The following EGLN3 variants were observed in gnomAD, a reference collection of about 807,000 sequenced individuals.
EGLN3 encodes the protein egl-9 family hypoxia inducible factor 3.
EGLN3 carries 15 observed loss-of-function variants against 26.0 expected under a neutral mutation model. The ratio of observed to expected loss-of-function variants is 0.58; its 90% CI spans 0.39 to 0.89. The LOEUF is 0.89. EGLN3 is among the 40% of genes least tolerant of loss of function. The probability of loss-of-function intolerance (pLI) is 0.00; values close to 1 mark genes in which losing one functional copy is unlikely to be tolerated. For synonymous variants in EGLN3, 147 were observed against 127.2 expected, an observed-to-expected ratio of 1.16 and a Z score of -1.05; for missense variants, 238 against 311.6, an observed-to-expected ratio of 0.76 and a Z score of 1.78.
At chr14:33,926,773 C>G (rs1213164548) in intron 4 of EGLN3, among the ~76,000 whole-genome samples, 187 bp downstream of exon 4, 1 of 152,136 alleles carries the variant, frequency 6.6e-6, no homozygotes, top group Admixed American at 6.5e-5. Context: ...GGGGAAGCCC[C>G]TTGCATTGTT....
chr14:33,924,941 TAAAAAAAA>T lies in EGLN3; in HGVS notation c.*942_*949del, dbSNP rs35754061. 9.7e-6 allele frequency: 1 copy of T among 103,364 alleles called. No homozygotes were observed. The highest frequency in any genetic ancestry group is 1.8e-5 in the Non-Finnish European group (1 of 56,388). 6.4% of individuals were successfully genotyped at this position (103,364 alleles called of 1,614,324 possible). ...GGGTGAGCTCATTAAAAAGGAAAACTAAAAAAAAAAAAAAAAAAAAAACAGGAACACCC... is the reference window on the plus strand; with the variant it reads ...GGGTGAGCTCATTAAAAAGGAAAACTAAAAAAAAAAAAAACAGGAACACCC... On this transcript the variant is annotated 3_prime_UTR_variant, in exon 5 of 5. Coordinates refer to ENST00000250457, the MANE Select transcript of EGLN3 (RefSeq NM_022073.4).
In EGLN3 at chr14:33,935,614, CACACACAT is replaced by C. The variant is rs758359138; in HGVS notation, c.358-4407_358-4400del. On this transcript the variant is annotated intron_variant, in intron 1 of 4. Coordinates refer to ENST00000250457, the MANE Select transcript of EGLN3 (RefSeq NM_022073.4). Reference sequence around the variant, plus strand: ...ACACACACACACACACACACACACACACACACATATATATATATACACACACATATATC... The same window carrying C: ...ACACACACACACACACACACACACACATATATATATACACACACATATATC... 4.0e-3 allele frequency among the ~76,000 whole-genome samples: 561 copies of C among 139,082 alleles called. 1 individual carries two copies. The highest frequency in any genetic ancestry group is 5.1e-3 in the Non-Finnish European group (320 of 62,568). 91.2% of individuals were successfully genotyped at this position (139,082 alleles called of 152,430 possible).
chr14:33,950,174 G>T (rs2064546841), intron 1 of EGLN3: 2 of 600,474 alleles, frequency 3.3e-6, no homozygotes, highest in South Asian at 2.0e-5. Context: ...AAAGTCAACA[G>T]AAGGTCATCA....
At chr14:33,949,414 GCTT>G (rs1327101134) in intron 1 of EGLN3, 1 of 152,208 alleles carries the variant, frequency 6.6e-6, no homozygotes, top group Non-Finnish European at 1.5e-5. Flanking sequence ...GGTATACTCT[GCTT>G]CGCTGTTTCA....
chr14:33,926,401 G>T (rs1342964069), intron 4 of EGLN3, among the ~76,000 whole-genome samples: 1 of 152,178 alleles, frequency 6.6e-6, no homozygotes, highest in Admixed American at 6.5e-5. Flanking sequence ...TTTTAAGACA[G>T]GCATACAGCA....
In EGLN3 at chr14:33,925,744, A is replaced by G. The variant is rs1478945645; in HGVS notation, c.*147T>C. 1 of 852,900 alleles carries G rather than the reference A, an allele frequency of 1.2e-6. No homozygotes were observed. Among genetic ancestry groups the G allele is most frequent in the Non-Finnish European group, 1.9e-6 (1 of 533,640 alleles). The allele number at this position is 852,900 out of a possible 1,614,324, so 52.8% of individuals were successfully genotyped here. On this transcript the variant is annotated 3_prime_UTR_variant, in exon 5 of 5. Coordinates refer to ENST00000250457, the MANE Select transcript of EGLN3 (RefSeq NM_022073.4). ...CAGTCTTGGCAAGAAAACATGAAGT[A>G]CCACACACAAGACAGGGATGTGAAG... is the stretch of plus-strand genomic sequence containing the variant.
intron 1 of EGLN3, chr14:33,949,989 C>T: frequency 2.5e-6 from 1 of 394,628 alleles, no homozygotes; most frequent in Non-Finnish European, 4.5e-6. Context: ...CAATGAAGGG[C>T]AGTATTAGGT....
intron 1 of EGLN3, among the ~76,000 whole-genome samples, chr14:33,941,538 G>T (rs558148347): frequency 6.8e-6 from 1 of 146,382 alleles, no homozygotes. Context: ...ATCTTCCCCC[G>T]TCATTCCCCT....
chr14:33,933,359 C>T (rs1186362004), intron 1 of EGLN3, among the ~76,000 whole-genome samples: 1 of 151,184 alleles, frequency 6.6e-6, no homozygotes, highest in Non-Finnish European at 1.5e-5. Context: ...AGTAAATCCT[C>T]TACCAAATGC....
At chr14:33,947,208 C>T (rs561077015) in intron 1 of EGLN3, among the ~76,000 whole-genome samples, 1 of 152,264 alleles carries the variant, frequency 6.6e-6, no homozygotes, top group South Asian at 2.1e-4. Context: ...CAATATTTAT[C>T]TTGGATATGG....
chr14:33,947,832 A>T (rs530035509), intron 1 of EGLN3, among the ~76,000 whole-genome samples: 3 of 152,268 alleles, frequency 2.0e-5, no homozygotes, highest in East Asian at 3.9e-4. Context: ...CGGGTGGATC[A>T]TGAGGTCAAG....
intron 1 of EGLN3, among the ~76,000 whole-genome samples, chr14:33,937,761 CCT>C (rs1379669212): frequency 1.2e-4 from 18 of 152,180 alleles, no homozygotes; most frequent in Non-Finnish European, 5.9e-5. Flanking sequence ...CTACACATGA[CCT>C]CTCTCCCAAG....
intron 1 of EGLN3, 192 bp from the exon 2 acceptor site, chr14:33,931,407 G>A (rs2064402866): frequency 5.8e-6 from 4 of 690,602 alleles, no homozygotes; most frequent in Middle Eastern, 7.3e-4. Context: ...GTCATACTAT[G>A]GCTCTGCCCA....
At position 33,935,236 on chromosome 14, in the gene EGLN3, G is replaced by T. The variant is rs142263399; in HGVS notation, c.358-4021C>A. Among the ~76,000 whole-genome samples the T allele has an allele frequency of 4.6e-5, 7 of 152,266 alleles. No individual in the cohort carries two copies. In the East Asian group the frequency reaches 1.4e-3, roughly 29 times the overall value. ...GGCACACACTAAGTGCTTAATAAAT[G>T]TTAGCTATTTTTAAAGATGATGTGT... On this transcript the variant is annotated intron_variant, in intron 1 of 4. Transcript: ENST00000250457.
At chr14:33,933,905 G>A (rs562675443) in intron 1 of EGLN3, among the ~76,000 whole-genome samples, 39 of 152,206 alleles carry the variant, frequency 2.6e-4, no homozygotes, top group Admixed American at 2.2e-3. Flanking sequence ...TTAAAAGAAC[G>A]GGCCAGAGTA....
intron 3 of EGLN3, among the ~76,000 whole-genome samples, chr14:33,927,794 TATG>T (rs2064372778): frequency 2.0e-5 from 3 of 152,228 alleles, no homozygotes; most frequent in African/African-American, 7.2e-5. Context: ...TAAATCACAG[TATG>T]TTTAAAACTC....
chr14:33,925,786 G>A lies in EGLN3; in HGVS notation c.*105C>T, dbSNP rs1218492754. The A allele has an allele frequency of 7.7e-7, 1 of 1,300,548 alleles. No individual in the cohort carries two copies. The highest frequency in any genetic ancestry group is 1.7e-5 in the Admixed American group (1 of 57,832). 80.6% of individuals were successfully genotyped at this position (1,300,548 alleles called of 1,614,324 possible). A position where few individuals can be genotyped will look rare whatever the true frequency, so the allele number is the denominator to read the frequency against. ...GATGTGAAGGATGCAAGAAGTAGCAGGGAGATTGTTGTCACTGAAGAGGCC... is the reference window on the plus strand; with the variant it reads ...GATGTGAAGGATGCAAGAAGTAGCAAGGAGATTGTTGTCACTGAAGAGGCC... On this transcript the variant is annotated 3_prime_UTR_variant, in exon 5 of 5. Transcript: ENST00000250457.
At position 33,950,911 on chromosome 14, in the gene EGLN3, G is replaced by A. The variant is rs2064556883; in HGVS notation, c.-159C>T. ...GCTGCAGCGTCGGGGACAAGGGAAAGTTTCTCGCAACTCTCGGGAGAAGGG... is the reference window on the plus strand; with the variant it reads ...GCTGCAGCGTCGGGGACAAGGGAAAATTTCTCGCAACTCTCGGGAGAAGGG... On this transcript the variant is annotated 5_prime_UTR_variant, in exon 1 of 5. Transcript: ENST00000250457. The A allele has an allele frequency of 8.8e-6, 6 of 683,810 alleles. No homozygotes were observed. In the Admixed American group the frequency reaches 1.5e-4, roughly 17 times the overall value. The allele number at this position is 683,810 out of a possible 1,614,324, so 42.4% of individuals were successfully genotyped here. A position where few individuals can be genotyped will look rare whatever the true frequency, so the allele number is the denominator to read the frequency against.
chr14:33,925,597 C>T lies in EGLN3; in HGVS notation c.*294G>A, dbSNP rs1050209305. On this transcript the variant is annotated 3_prime_UTR_variant, in exon 5 of 5. Transcript: ENST00000250457. ...TTCATTCCCTCGCTGTGCTCCTAGG[C>T]TCTTCTCTTGATAGTATTACCGAAT... 3.3e-5 allele frequency: 13 copies of T among 392,452 alleles called. No individual in the cohort carries two copies. Among genetic ancestry groups the T allele is most frequent in the Non-Finnish European group, 5.1e-5 (11 of 214,444 alleles). The allele number at this position is 392,452 out of a possible 1,614,324, so 24.3% of individuals were successfully genotyped here.
Sources: allele counts gnomAD v4.1 joint callset (sites outside exome capture counted in the v4.1 genomes callset), GRCh38; gene constraint gnomAD v4.1.1; transcripts MANE v1.5; gene names NCBI Gene and HGNC (gene_info 2026-07-23, HGNC 2026-07-21).